Variants in FSTL5 observed in about 807,000 individuals in gnomAD.
FSTL5 encodes follistatin like 5, also known as follistatin-related protein 5.
A neutral mutation model predicts 89.1 loss-of-function variants in FSTL5; 62 were observed. The observed-to-expected ratio is 0.70, with a 90% CI of 0.57 to 0.86. The LOEUF is 0.86. Ranked by LOEUF, FSTL5 falls within the 40% of genes least tolerant of loss-of-function variation. The probability of loss-of-function intolerance (pLI) is 0.00; values close to 1 mark genes in which losing one functional copy is unlikely to be tolerated. For missense variants in FSTL5, 1,057 were observed against 1,001.6 expected (o/e 1.06, Z -0.75); for synonymous variants, 383 against 346.2 (o/e 1.11, Z -1.18).
intron 4 of FSTL5, among the ~76,000 whole-genome samples, chr4:161,836,021 A>G (rs139606832): frequency 8.6e-4 from 131 of 152,286 alleles, no homozygotes; most frequent in African/African-American, 3.1e-3. Flanking sequence ...TTATTGCAGC[A>G]CCATTCACCA....
intron 4 of FSTL5, among the ~76,000 whole-genome samples, chr4:161,791,518 T>C (rs958606910): frequency 2.0e-5 from 3 of 152,224 alleles, no homozygotes; most frequent in African/African-American, 7.2e-5. Context: ...TGTGCTGTTG[T>C]AGGGCCAAAA....
intron 7 of FSTL5, among the ~76,000 whole-genome samples, chr4:161,630,109 C>A (rs1266772461): frequency 6.6e-6 from 1 of 152,182 alleles, no homozygotes; most frequent in Non-Finnish European, 1.5e-5. Context: ...CTAGCCCTTA[C>A]TCCTTCTTCC....
chr4:161,594,376 C>T (rs1733934167), intron 7 of FSTL5, among the ~76,000 whole-genome samples: 1 of 151,926 alleles, frequency 6.6e-6, no homozygotes, highest in Admixed American at 6.6e-5. Context: ...TTCTTTAAAA[C>T]CTGAAATAAA....
chr4:161,433,950 T>G (rs2126347851), intron 15 of FSTL5, among the ~76,000 whole-genome samples: 1 of 152,190 alleles, frequency 6.6e-6, no homozygotes, highest in East Asian at 1.9e-4. Context: ...ATTGAGAGAA[T>G]CAATAATGTT....
At chr4:161,429,666 A>G (rs558240241) in intron 15 of FSTL5, among the ~76,000 whole-genome samples, 9 of 152,288 alleles carry the variant, frequency 5.9e-5, no homozygotes, top group Non-Finnish European at 1.0e-4. Flanking sequence ...GTTCTCTCTA[A>G]TGCAGATATG....
chr4:161,634,224 A>G (rs1427937056), intron 7 of FSTL5, among the ~76,000 whole-genome samples: 1 of 152,208 alleles, frequency 6.6e-6, no homozygotes, highest in Non-Finnish European at 1.5e-5. Context: ...GCAGGTGAAC[A>G]GGAGAGATAA....
chr4:161,506,247 AT>A (rs994873385), intron 11 of FSTL5, among the ~76,000 whole-genome samples: 1 of 148,682 alleles, frequency 6.7e-6, no homozygotes, highest in African/African-American at 2.5e-5. Context: ...TTTTTTTTTA[AT>A]TTTTTGTAGA....
At chr4:161,683,752 T>A (rs1050408096) in intron 6 of FSTL5, among the ~76,000 whole-genome samples, 1 of 152,202 alleles carries the variant, frequency 6.6e-6, no homozygotes, top group Non-Finnish European at 1.5e-5. Context: ...AAATTAATTA[T>A]ATTTATTTCC....
intron 2 of FSTL5, among the ~76,000 whole-genome samples, chr4:162,099,716 A>G (rs1393023219): frequency 6.6e-6 from 1 of 152,248 alleles, no homozygotes; most frequent in Admixed American, 6.5e-5. Flanking sequence ...TGAACATGAA[A>G]AACACAACAA....
chr4:162,039,217 T>TA (rs1001691451), intron 2 of FSTL5, among the ~76,000 whole-genome samples: 1 of 151,588 alleles, frequency 6.6e-6, no homozygotes, highest in Non-Finnish European at 1.5e-5. Context: ...CTTGCTTATA[T>TA]AAAAAAAGAA....
At chr4:162,026,266 T>C (rs1293705616) in intron 3 of FSTL5, among the ~76,000 whole-genome samples, 2 of 150,806 alleles carry the variant, frequency 1.3e-5, no homozygotes, top group Admixed American at 6.6e-5. Flanking sequence ...TCTTCAAACA[T>C]GACATTCAAT....
Position 161,482,591 on chromosome 4 carries a change from G to T in FSTL5, c.1459-1422C>A, listed in dbSNP as rs191363905. On this transcript the variant is annotated intron_variant, in intron 12 of 15. Transcript: ENST00000306100. Reference sequence around the variant, plus strand: ...ACACTTTCATCATCACTATCACCAAGCGTTTATTTTTAAAGATAATACTGA... The same window carrying T: ...ACACTTTCATCATCACTATCACCAATCGTTTATTTTTAAAGATAATACTGA... 1.2e-3 allele frequency among the ~76,000 whole-genome samples: 180 copies of T among 152,186 alleles called. 2 individuals are homozygous for T. Among genetic ancestry groups the T allele is most frequent in the Middle Eastern group, 6.8e-3 (2 of 294 alleles).
chr4:161,464,560 A>T (rs1437744174), intron 13 of FSTL5, among the ~76,000 whole-genome samples: 1 of 152,038 alleles, frequency 6.6e-6, no homozygotes, highest in East Asian at 1.9e-4. Flanking sequence ...TAGTATATTT[A>T]TTTCTTATTG....
chr4:161,903,256 G>A (rs1335910742), intron 4 of FSTL5, among the ~76,000 whole-genome samples: 3 of 151,626 alleles, frequency 2.0e-5, no homozygotes, highest in South Asian at 2.1e-4. Context: ...AGACACTATC[G>A]ATGTGACTGT....
chr4:161,482,569 C>A (rs1167209453), intron 12 of FSTL5, among the ~76,000 whole-genome samples: 1 of 152,144 alleles, frequency 6.6e-6, no homozygotes, highest in Non-Finnish European at 1.5e-5. Context: ...ATCAACCACA[C>A]TTTCATCATC....
At chr4:161,629,442 A>G (rs1180720043) in intron 7 of FSTL5, among the ~76,000 whole-genome samples, 1 of 152,000 alleles carries the variant, frequency 6.6e-6, no homozygotes, top group African/African-American at 2.4e-5. Flanking sequence ...TCCTGGGTTC[A>G]AGCCATTCTC....
At chr4:161,622,946 G>A (rs1196523738) in intron 7 of FSTL5, among the ~76,000 whole-genome samples, 1 of 152,078 alleles carries the variant, frequency 6.6e-6, no homozygotes, top group East Asian at 1.9e-4. Context: ...CAGACGTGAG[G>A]CTTTCTTATT....
Position 161,459,593 on chromosome 4 carries a change from G to T in FSTL5, c.1609-274C>A, listed in dbSNP as rs1733489806. Among the ~76,000 whole-genome samples, 3 of 152,006 alleles carry T rather than the reference G, an allele frequency of 2.0e-5. No individual in the cohort carries two copies. The South Asian group carries it at 6.2e-4, about 32-fold the overall frequency. ...ATGATAAATATTTTGTTTATCATTTGCACAACTGTACACAGCTTTCAGTTC... is the reference window on the plus strand; with the variant it reads ...ATGATAAATATTTTGTTTATCATTTTCACAACTGTACACAGCTTTCAGTTC... On this transcript the variant is annotated intron_variant, in intron 13 of 15. Coordinates refer to ENST00000306100, the MANE Select transcript of FSTL5 (RefSeq NM_020116.5).
chr4:161,420,329 A>G (rs1298708064), intron 15 of FSTL5, among the ~76,000 whole-genome samples: 2 of 152,220 alleles, frequency 1.3e-5, no homozygotes, highest in African/African-American at 4.8e-5. Context: ...AACAAGGACT[A>G]GCAATTGTCA....
Sources: gnomAD v4.1 joint callset for allele counts (sites outside exome capture counted in the v4.1 genomes callset) on GRCh38, gnomAD v4.1.1 for gene constraint, MANE v1.5 for transcripts, NCBI Gene and HGNC (gene_info 2026-07-23, HGNC 2026-07-21) for gene names.